SLC25A44: variants seen among roughly 807,000 people sequenced by gnomAD.
SLC25A44 encodes the protein solute carrier family 25 member 44.
A neutral mutation model predicts 29.9 loss-of-function variants in SLC25A44; 17 were observed. The observed-to-expected ratio is 0.57, with a 90% CI of 0.39 to 0.85. SLC25A44 has a LOEUF of 0.85. Among genes scored for constraint, SLC25A44 ranks in the 40% least tolerant of loss-of-function variants. The probability of loss-of-function intolerance (pLI) is 0.00; values close to 1 mark genes in which losing one functional copy is unlikely to be tolerated. For synonymous variants in SLC25A44, 140 were observed against 151.8 expected, an observed-to-expected ratio of 0.92 and a Z score of 0.57; for missense variants, 302 against 398.4, an observed-to-expected ratio of 0.76 and a Z score of 2.06.
intron 1 of SLC25A44, chr1:156,199,136 C>T (rs1022107335): frequency 6.6e-6 from 1 of 152,256 alleles, no homozygotes; most frequent in East Asian, 1.9e-4. Flanking sequence ...TACTTTCTTC[C>T]AATGCAGACG....
At position 156,212,345 on chromosome 1, in the gene SLC25A44, C is replaced by CT. The variant is rs1657389143; in HGVS notation, c.*1914_*1915insT. ...GAGTGTCACGGACAGGAGGTAGGAT[C>CT]CTGCCGCTCGCGTCTTAGTGTTTCT... On this transcript the variant is annotated 3_prime_UTR_variant, in exon 4 of 4. Coordinates refer to ENST00000359511, the MANE Select transcript of SLC25A44 (RefSeq NM_014655.4). 1 of 152,392 alleles carries CT rather than the reference C, an allele frequency of 6.6e-6. No homozygotes were observed. Among genetic ancestry groups the CT allele is most frequent in the Admixed American group, 6.5e-5 (1 of 15,276 alleles). The allele number at this position is 152,392 out of a possible 1,614,324, so 9.4% of individuals were successfully genotyped here.
Position 156,199,824 on chromosome 1 carries a change from T to G in SLC25A44, c.-13-11T>G, listed in dbSNP as rs781364552. The G allele has an allele frequency of 6.2e-7, 1 of 1,603,816 alleles. No individual in the cohort carries two copies. The highest frequency in any genetic ancestry group is 1.1e-5 in the South Asian group (1 of 89,050). ...CCTTCTTCACATCCCTCCATACTGC[T>G]CAAATCCCAGGTCTTCAGGCACCAT... On this transcript the variant is annotated splice_polypyrimidine_tract_variant and intron_variant, in intron 1 of 3. Coordinates refer to ENST00000359511, the MANE Select transcript of SLC25A44 (RefSeq NM_014655.4).
chr1:156,195,353 T>C (rs1656145521), intron 1 of SLC25A44, among the ~76,000 whole-genome samples: 1 of 152,062 alleles, frequency 6.6e-6, no homozygotes, highest in Non-Finnish European at 1.5e-5. Flanking sequence ...TCCGCCCGCC[T>C]CGGCCTCCCA....
intron 2 of SLC25A44, 51 bp from the exon 3 acceptor site, chr1:156,207,835 C>T (rs548624283): frequency 1.2e-6 from 2 of 1,605,864 alleles, no homozygotes; most frequent in African/African-American, 2.7e-5. Flanking sequence ...ACAGTGAGGG[C>T]AGACCGGTGG....
chr1:156,208,176 A>G (rs574052292), intron 3 of SLC25A44, among the ~76,000 whole-genome samples, 163 bp downstream of exon 3: 5 of 152,198 alleles, frequency 3.3e-5, no homozygotes, highest in Non-Finnish European at 5.9e-5. Flanking sequence ...CATCTGCAGA[A>G]GCCAGCCCAC....
At position 156,210,445 on chromosome 1, in the gene SLC25A44, G is replaced by A. The variant is rs773833051; in HGVS notation, c.*14G>A. ...AGACACTGGTAACCAGTGGTGGGGA[G>A]AGAAGCCTGCTGTTTTCCACACTAC... is the stretch of plus-strand genomic sequence containing the variant. On this transcript the variant is annotated 3_prime_UTR_variant, in exon 4 of 4. Transcript: ENST00000359511. 5.8e-6 allele frequency: 9 copies of A among 1,544,342 alleles called. No individual in the cohort carries two copies. The highest frequency in any genetic ancestry group is 7.9e-6 in the Non-Finnish European group (9 of 1,143,690).
In SLC25A44 at chr1:156,199,883, G is replaced by A. The variant is rs764892463; in HGVS notation, c.36G>A (p.Trp12Ter). 6.2e-7 allele frequency: 1 copy of A among 1,614,112 alleles called. No individual in the cohort carries two copies. Among genetic ancestry groups the A allele is most frequent in the South Asian group, 1.1e-5 (1 of 91,080 alleles). ...EDKRNIQIIE[W>*]EHLDKKKFYV... is the part of the protein sequence containing the mutation. Reference sequence around the variant, plus strand: ...AACGCAACATCCAGATCATCGAGTGGGAACACCTGGACAAGAAGAAGTTCT... The same window carrying A: ...AACGCAACATCCAGATCATCGAGTGAGAACACCTGGACAAGAAGAAGTTCT... Residue 12 changes from tryptophan (W) to a stop codon, truncating the protein, a stop_gained, in exon 2 of 4, where the codon TGG becomes TGA. Transcript: ENST00000359511. LOFTEE classifies it high-confidence loss of function.
At chr1:156,199,794 A>AC in intron 1 of SLC25A44, 41 bp from the exon 2 acceptor site, 2 of 1,547,350 alleles carry the variant, frequency 1.3e-6, no homozygotes, top group Admixed American at 3.6e-5. Flanking sequence ...ACAAAGCTCC[A>AC]CCCTCCTTCT....
In SLC25A44 at chr1:156,200,090, C is replaced by A; in HGVS notation, c.243C>A (p.Thr81=). ...TGLYRGFLVN[T]FTLISGQCYV... The stretch of plus-strand genomic sequence containing the variant: ...TCTACCGAGGGTTCCTGGTCAATAC[C>A]TTCACCCTCATCTCTGGCCAGTGTT... The change falls in exon 2 of 4, where the codon ACC becomes ACA. Residue 81 remains threonine (T), a synonymous_variant. Coordinates refer to ENST00000359511, the MANE Select transcript of SLC25A44 (RefSeq NM_014655.4). 6.2e-7 allele frequency: 1 copy of A among 1,614,152 alleles called. No homozygotes were observed. The highest frequency in any genetic ancestry group is 8.5e-7 in the Non-Finnish European group (1 of 1,180,034).
intron 2 of SLC25A44, among the ~76,000 whole-genome samples, chr1:156,205,464 T>G (rs1020303640): frequency 2.0e-5 from 3 of 152,180 alleles, no homozygotes; most frequent in Non-Finnish European, 2.9e-5. Context: ...GTACTGGGCT[T>G]GGCTGCCCCT....
rs748905153 is a variant in SLC25A44 at position 156,200,319 on chromosome 1, C to T, written c.472C>T (p.Gln158Ter). Residue 158 changes from glutamine to a stop codon, truncating the protein, a stop_gained, in exon 2 of 4, where the codon CAA (glutamine) becomes TAA (stop). Coordinates refer to ENST00000359511, the MANE Select transcript of SLC25A44 (RefSeq NM_014655.4). LOFTEE classifies it high-confidence loss of function. ...RFQVRGNPEGQGVVAFGQTKD... is the reference protein window; with the variant it reads ...RFQVRGNPEG ...TCAGGTGCGGGGGAACCCAGAGGGA[C>T]AAGGGGTAGTTGCCTTTGGCCAAAC... The T allele has an allele frequency of 1.2e-6, 2 of 1,614,116 alleles. No individual in the cohort carries two copies. The highest frequency in any genetic ancestry group is 1.7e-6 in the Non-Finnish European group (2 of 1,180,050).
intron 1 of SLC25A44, chr1:156,197,222 G>C (rs1656264657): frequency 6.6e-6 from 1 of 152,268 alleles, no homozygotes. Context: ...GCTCAAAGGA[G>C]AATATTGCCC....
chr1:156,200,070 C>A lies in SLC25A44; in HGVS notation c.223C>A (p.Arg75=). 1 of 1,614,102 alleles carries A rather than the reference C, an allele frequency of 6.2e-7. No homozygotes were observed. The highest frequency in any genetic ancestry group is 1.1e-5 in the South Asian group (1 of 91,080). The change falls in exon 2 of 4, where the codon CGA becomes AGA. Residue 75 remains arginine, a synonymous_variant. Transcript: ENST00000359511. ...LRADGITGLY[R]GFLVNTFTLI... Reference sequence around the variant, plus strand: ...AGCAGATGGTATCACTGGCCTCTACCGAGGGTTCCTGGTCAATACCTTCAC... The same window carrying A: ...AGCAGATGGTATCACTGGCCTCTACAGAGGGTTCCTGGTCAATACCTTCAC...
At chr1:156,209,531 CTGAGGAGT>C (rs765786731) in intron 3 of SLC25A44, among the ~76,000 whole-genome samples, 8 of 152,088 alleles carry the variant, frequency 5.3e-5, no homozygotes, top group Admixed American at 2.6e-4. Flanking sequence ...GGCCGAGGGG[CTGAGGAGT>C]GGTTTCTAAA....
intron 2 of SLC25A44, 148 bp from the exon 3 acceptor site, chr1:156,207,738 A>G: frequency 1.4e-6 from 1 of 721,322 alleles, no homozygotes; most frequent in Non-Finnish European, 2.2e-6. Flanking sequence ...TTTTGAAGGA[A>G]GCAGAGAAAA....
rs749064526 is a variant in SLC25A44 at position 156,200,219 on chromosome 1, G to T, written c.372G>T (p.Gln124His). ...GTGGCTCAGCCTCCCTTGTGGCCCA[G>T]AGCATCACAGTGCCCATTGATGTAG... ...VAGGSASLVA[Q>H]SITVPIDVVS... Residue 124 changes from glutamine to histidine, a missense_variant, in exon 2 of 4, where the codon CAG becomes CAT. Gln to His is a conservative substitution (Grantham distance 24). Transcript: ENST00000359511. The T allele has an allele frequency of 1.2e-6, 2 of 1,614,182 alleles. No homozygotes were observed.
At chr1:156,195,358 C>T (rs550455901) in intron 1 of SLC25A44, among the ~76,000 whole-genome samples, 1 of 152,212 alleles carries the variant, frequency 6.6e-6, no homozygotes, top group East Asian at 1.9e-4. Flanking sequence ...CCGCCTCGGC[C>T]TCCCAAAGTG....
At chr1:156,194,637 G>GGA (rs1345602207) in intron 1 of SLC25A44, among the ~76,000 whole-genome samples, 3 of 152,186 alleles carry the variant, frequency 2.0e-5, no homozygotes, top group African/African-American at 7.2e-5. Flanking sequence ...TGATCTCGAA[G>GGA]GAGGGTTCGG....
chr1:156,200,290 G>A lies in SLC25A44; in HGVS notation c.443G>A (p.Arg148His), dbSNP rs1558177938. ...CAACGCAAGGGTGAGAAAATGGGCC[G>A]CTTTCAGGTGCGGGGGAACCCAGAG... ...MMQRKGEKMG[R>H]FQVRGNPEGQ... The change falls in exon 2 of 4, where the codon CGC becomes CAC. Residue 148 changes from arginine (R) to histidine (H), a missense_variant. Coordinates refer to ENST00000359511, the MANE Select transcript of SLC25A44 (RefSeq NM_014655.4). The A allele has an allele frequency of 6.8e-6, 11 of 1,614,184 alleles. No individual in the cohort carries two copies. Among genetic ancestry groups the A allele is most frequent in the South Asian group, 2.2e-5 (2 of 91,080 alleles).
Sources: allele counts gnomAD v4.1 joint callset (sites outside exome capture counted in the v4.1 genomes callset), GRCh38; gene constraint gnomAD v4.1.1; transcripts MANE v1.5; gene names NCBI Gene and HGNC (gene_info 2026-07-23, HGNC 2026-07-21).